The following EPSTI1 variants were observed in gnomAD, a reference collection of about 807,000 sequenced individuals.
The protein encoded by EPSTI1 is epithelial stromal interaction 1.
In EPSTI1, 66 loss-of-function variants were observed where a neutral mutation model predicts 49.9. The observed-to-expected ratio is 1.32, with a 90% CI of 1.08 to 1.62. The LOEUF (loss-of-function observed/expected upper bound fraction) is 1.62. Ranked by LOEUF, EPSTI1 falls within the 40% of genes most tolerant of loss-of-function variation. The pLI, the probability that EPSTI1 is intolerant of heterozygous loss-of-function variation, is 0.00. For missense variants in EPSTI1, 394 were observed against 365.5 expected (o/e 1.08, Z -0.64); for synonymous variants, 137 against 130.7 (o/e 1.05, Z -0.33).
intron 1 of EPSTI1, among the ~76,000 whole-genome samples, chr13:42,971,431 A>G (rs2039764678): frequency 6.6e-6 from 1 of 152,244 alleles, no homozygotes; most frequent in Non-Finnish European, 1.5e-5. Flanking sequence ...CTACAGACCC[A>G]GCCTGTGAGT....
chr13:42,890,282 AT>A (rs1258321733), intron 10 of EPSTI1, among the ~76,000 whole-genome samples: 5 of 120,110 alleles, frequency 4.2e-5, no homozygotes, highest in African/African-American at 9.3e-5. Context: ...AAATTTAAGA[AT>A]TTTTTTTCTT....
chr13:42,979,756 C>T (rs1275607501), intron 1 of EPSTI1, among the ~76,000 whole-genome samples: 1 of 152,056 alleles, frequency 6.6e-6, no homozygotes, highest in Non-Finnish European at 1.5e-5. Context: ...AGGGTCATAA[C>T]ACATCATCCC....
chr13:42,944,488 G>A (rs879676059), intron 6 of EPSTI1, among the ~76,000 whole-genome samples: 2 of 152,146 alleles, frequency 1.3e-5, no homozygotes, highest in Non-Finnish European at 2.9e-5. Flanking sequence ...ATGGACACAG[G>A]GAGGGGAACA....
intron 9 of EPSTI1, among the ~76,000 whole-genome samples, chr13:42,899,846 A>C (rs187076161): frequency 3.3e-3 from 497 of 152,222 alleles, no homozygotes; most frequent in African/African-American, 0.011. Context: ...TAATGGTTCT[A>C]AGATTTTTTT....
At chr13:42,951,874 G>A (rs1320552550) in intron 6 of EPSTI1, among the ~76,000 whole-genome samples, 5 of 152,166 alleles carry the variant, frequency 3.3e-5, no homozygotes, top group Admixed American at 6.5e-5. Context: ...TACTAAAGTT[G>A]AGAGGTGAAG....
intron 1 of EPSTI1, among the ~76,000 whole-genome samples, chr13:42,977,009 T>G (rs1482264953): frequency 6.6e-6 from 1 of 152,226 alleles, no homozygotes; most frequent in African/African-American, 2.4e-5. Context: ...ATGATATTGG[T>G]GCATCATATA....
At chr13:42,960,592 G>A (rs1278028431) in intron 5 of EPSTI1, among the ~76,000 whole-genome samples, 1 of 152,162 alleles carries the variant, frequency 6.6e-6, no homozygotes, top group African/African-American at 2.4e-5. Context: ...AAAGTTAACA[G>A]CTTAAAACAA....
At chr13:42,949,720 A>G (rs1181003692) in intron 6 of EPSTI1, among the ~76,000 whole-genome samples, 1 of 152,104 alleles carries the variant, frequency 6.6e-6, no homozygotes, top group Admixed American at 6.5e-5. Context: ...GAAAATTCTT[A>G]AAAGAACACT....
At chr13:42,963,474 T>C in intron 4 of EPSTI1, 136 bp from the exon 5 acceptor site, 1 of 652,228 alleles carries the variant, frequency 1.5e-6, no homozygotes. Flanking sequence ...GGTTGTTACT[T>C]CAAGCTACTT....
At chr13:42,930,545 A>G (rs187794435) in intron 6 of EPSTI1, among the ~76,000 whole-genome samples, 1 of 152,344 alleles carries the variant, frequency 6.6e-6, no homozygotes, top group Non-Finnish European at 1.5e-5. Flanking sequence ...AGATTTACAA[A>G]ACAAAACATG....
intron 6 of EPSTI1, among the ~76,000 whole-genome samples, chr13:42,930,305 C>T (rs542348768): frequency 2.0e-5 from 3 of 152,326 alleles, no homozygotes; most frequent in African/African-American, 7.2e-5. Context: ...TACATGCATG[C>T]ATGCATTCAT....
chr13:42,956,620 A>G (rs979037553), intron 5 of EPSTI1, among the ~76,000 whole-genome samples: 8 of 152,198 alleles, frequency 5.3e-5, no homozygotes, highest in African/African-American at 1.7e-4. Context: ...CAAAGGCACT[A>G]TCTATCACCA....
At chr13:42,954,060 GC>G in intron 5 of EPSTI1, 39 bp from the exon 6 acceptor site, 1 of 1,550,866 alleles carries the variant, frequency 6.4e-7, no homozygotes, top group African/African-American at 1.4e-5. Context: ...TATTAAAGAT[GC>G]TTTAAGCAGA....
Position 42,895,059 on chromosome 13 carries a change from C to A in EPSTI1, c.865G>T (p.Gly289Cys). 6.2e-7 allele frequency: 1 copy of A among 1,613,622 alleles called. No individual in the cohort carries two copies. ...CAACAGCCTCCAGATTGCTCGAGGCCACCTGGTTGACTTTTGCCTTGGAGT... is the reference window on the plus strand; with the variant it reads ...CAACAGCCTCCAGATTGCTCGAGGCAACCTGGTTGACTTTTGCCTTGGAGT... ...DRLQGKSQPG[G>C]LEQSGGCWNM... The change falls in exon 10 of 11, where the codon GGC (glycine) becomes TGC (cysteine). Residue 289 changes from glycine (G) to cysteine (C), a missense_variant. Transcript: ENST00000313624.
At chr13:42,908,930 A>G (rs1348786848) in intron 8 of EPSTI1, among the ~76,000 whole-genome samples, 1 of 44,680 alleles carries the variant, frequency 2.2e-5, no homozygotes. Context: ...TAAAAATACA[A>G]AAAAAAAAAA....
intron 5 of EPSTI1, among the ~76,000 whole-genome samples, chr13:42,957,654 C>T (rs1203651679): frequency 6.6e-6 from 1 of 152,208 alleles, no homozygotes; most frequent in African/African-American, 2.4e-5. Context: ...GGGCTCACTG[C>T]AACCTCTGCC....
Position 42,894,994 on chromosome 13 carries a change from AAAG to A in EPSTI1, c.915+12_915+14del. On this transcript the variant is annotated intron_variant, in intron 10 of 10. Coordinates refer to ENST00000313624, the MANE Select transcript of EPSTI1 (RefSeq NM_033255.5). ...CAACATTGAAAGATGATTTAAGAGA[AAAG>A]AAAAAACTCACCCAGCTGTTACCGC... The A allele has an allele frequency of 6.3e-7, 1 of 1,590,518 alleles. No individual in the cohort carries two copies. The highest frequency in any genetic ancestry group is 8.6e-7 in the Non-Finnish European group (1 of 1,166,076).
chr13:42,899,400 T>C (rs891591013), intron 9 of EPSTI1, among the ~76,000 whole-genome samples: 1 of 152,166 alleles, frequency 6.6e-6, no homozygotes, highest in African/African-American at 2.4e-5. Flanking sequence ...GTTTCAAAAC[T>C]ATTTTGACTG....
intron 8 of EPSTI1, among the ~76,000 whole-genome samples, chr13:42,904,495 A>T (rs886192154): frequency 6.6e-6 from 1 of 152,262 alleles, no homozygotes; most frequent in Non-Finnish European, 1.5e-5. Context: ...TTTGGAAGTC[A>T]ATTTAGCAAT....
Sources: allele counts gnomAD v4.1 joint callset (sites outside exome capture counted in the v4.1 genomes callset), GRCh38; gene constraint gnomAD v4.1.1; transcripts MANE v1.5; gene names NCBI Gene and HGNC (gene_info 2026-07-23, HGNC 2026-07-21).